CSMD1: variants seen among roughly 807,000 people sequenced by gnomAD.
CSMD1 encodes the protein CUB and sushi domain-containing protein 1.
In CSMD1, 213 loss-of-function variants were observed where a neutral mutation model predicts 417.5. That is an observed-to-expected ratio of 0.51 (90% CI 0.46 to 0.57). CSMD1 has a LOEUF of 0.57. Ranked by LOEUF, CSMD1 falls within the 20% of genes least tolerant of loss-of-function variation. The pLI is 0.00. For missense variants in CSMD1, 6,923 were observed against 4,529.7 expected (o/e 1.53, Z -15.17); for synonymous variants, 2,862 against 1,736.8 (o/e 1.65, Z -16.11).
intron 1 of CSMD1, among the ~76,000 whole-genome samples, chr8:4,672,057 T>G (rs1275545317): frequency 6.6e-6 from 1 of 152,144 alleles, no homozygotes; most frequent in Non-Finnish European, 1.5e-5. Flanking sequence ...CTGTACCTTT[T>G]GTTGAAAGAT....
At position 4,087,023 on chromosome 8, in the gene CSMD1, G is replaced by T. The variant is rs538190484; in HGVS notation, c.416-54924C>A. Among the ~76,000 whole-genome samples the T allele has an allele frequency of 2.6e-5, 4 of 152,316 alleles. No individual in the cohort carries two copies. In the South Asian group the frequency reaches 8.3e-4, roughly 32 times the overall value. On this transcript the variant is annotated intron_variant, in intron 3 of 69. Coordinates refer to ENST00000635120, the MANE Select transcript of CSMD1 (RefSeq NM_033225.6). ...TGGGGATAACGCTATGTACATCATG[G>T]AATTAAGTTCCTCCCCAGTGACTGC...
At chr8:4,259,534 AAT>A (rs1410943851) in intron 3 of CSMD1, among the ~76,000 whole-genome samples, 1 of 62,816 alleles carries the variant, frequency 1.6e-5, no homozygotes, top group Non-Finnish European at 4.4e-5. Context: ...GTTTTTAAAA[AAT>A]GTCTTTTTTT....
Position 4,820,316 on chromosome 8 carries a change from C to A in CSMD1, c.85+174016G>T, listed in dbSNP as rs1430178243. Among the ~76,000 whole-genome samples, 3 of 152,132 alleles carry A rather than the reference C, an allele frequency of 2.0e-5. No homozygotes were observed. The South Asian group carries it at 6.2e-4, about 32-fold the overall frequency. ...GGGCACAGTTAGTGCGCCATAGAAG[C>A]CTGAGTATTCAGAAGCATTATAAAA... On this transcript the variant is annotated intron_variant, in intron 1 of 69. Transcript: ENST00000635120.
chr8:4,636,790 C>G (rs1187966622), intron 2 of CSMD1, among the ~76,000 whole-genome samples: 1 of 152,110 alleles, frequency 6.6e-6, no homozygotes, highest in Non-Finnish European at 1.5e-5. Flanking sequence ...CTGTATTTTT[C>G]TTTTCTGGTA....
intron 3 of CSMD1, among the ~76,000 whole-genome samples, chr8:4,076,692 A>T (rs145964385): frequency 2.4e-4 from 37 of 152,300 alleles, no homozygotes; most frequent in African/African-American, 8.2e-4. Context: ...ACATTTAGCC[A>T]TATCTTGTCT....
chr8:4,954,678 A>T (rs968962779), intron 1 of CSMD1, among the ~76,000 whole-genome samples: 2 of 152,214 alleles, frequency 1.3e-5, no homozygotes, highest in Non-Finnish European at 2.9e-5. Flanking sequence ...CATGTGTGTG[A>T]ATGTTCCTTA....
At chr8:2,973,662 G>A (rs1331887673) in intron 56 of CSMD1, among the ~76,000 whole-genome samples, 1 of 130,106 alleles carries the variant, frequency 7.7e-6, no homozygotes, top group African/African-American at 3.0e-5. Context: ...AGGGAATGTG[G>A]GGAAAAAAAA....
At chr8:4,030,867 AT>A (rs1797307582) in intron 4 of CSMD1, among the ~76,000 whole-genome samples, 1 of 152,184 alleles carries the variant, frequency 6.6e-6, no homozygotes, top group South Asian at 2.1e-4. Context: ...ATTCCTCCAG[AT>A]ACCCCAAATC....
chr8:3,444,444 A>G (rs1455095932), intron 12 of CSMD1, among the ~76,000 whole-genome samples: 2 of 152,188 alleles, frequency 1.3e-5, no homozygotes, highest in Non-Finnish European at 2.9e-5. Context: ...CAAAACAATA[A>G]AAGAAATTAC....
At position 4,180,087 on chromosome 8, in the gene CSMD1, C is replaced by G. The variant is rs541936434; in HGVS notation, c.416-147988G>C. Reference sequence around the variant, plus strand: ...GCCATCCCATTACTGGGTATATACCCAAAGACTATAAATCATGCTGCTATG... The same window carrying G: ...GCCATCCCATTACTGGGTATATACCGAAAGACTATAAATCATGCTGCTATG... On this transcript the variant is annotated intron_variant, in intron 3 of 69. Transcript: ENST00000635120. 1.8e-3 allele frequency among the ~76,000 whole-genome samples: 276 copies of G among 152,160 alleles called. 1 individual carries two copies. Among genetic ancestry groups the G allele is most frequent in the African/African-American group, 6.5e-3 (268 of 41,502 alleles).
intron 10 of CSMD1, among the ~76,000 whole-genome samples, chr8:3,553,873 C>T (rs1799025238): frequency 6.6e-6 from 1 of 152,104 alleles, no homozygotes; most frequent in Non-Finnish European, 1.5e-5. Flanking sequence ...CAAACACGTA[C>T]ACATACATAT....
At chr8:4,009,402 A>T (rs1027098737) in intron 4 of CSMD1, among the ~76,000 whole-genome samples, 1 of 152,228 alleles carries the variant, frequency 6.6e-6, no homozygotes, top group African/African-American at 2.4e-5. Context: ...CATGTTTATC[A>T]TAAAGAAAAA....
intron 2 of CSMD1, among the ~76,000 whole-genome samples, chr8:4,444,525 C>A (rs955604196): frequency 6.6e-6 from 1 of 151,920 alleles, no homozygotes; most frequent in Non-Finnish European, 1.5e-5. Context: ...TTTTTAGCCA[C>A]GGAGAACAAT....
At chr8:3,386,814 G>A (rs966817069) in intron 18 of CSMD1, among the ~76,000 whole-genome samples, 1 of 152,204 alleles carries the variant, frequency 6.6e-6, no homozygotes, top group East Asian at 1.9e-4. Context: ...TTATATTCAT[G>A]GTCAAGGGCA....
intron 5 of CSMD1, among the ~76,000 whole-genome samples, chr8:3,937,369 C>T (rs2114244): frequency 0.36 from 55,247 of 151,860 alleles, 10,402 homozygotes; most frequent in African/African-American, 0.48. Flanking sequence ...AATCAACTGA[C>T]GTGGTAAACT....
intron 5 of CSMD1, among the ~76,000 whole-genome samples, chr8:3,969,094 T>C (rs926565285): frequency 6.6e-6 from 1 of 152,008 alleles, no homozygotes; most frequent in Non-Finnish European, 1.5e-5. Flanking sequence ...CTACTAAAAA[T>C]ACAAAAATTA....
At chr8:3,983,066 T>A (rs531485296) in intron 5 of CSMD1, among the ~76,000 whole-genome samples, 125 of 151,998 alleles carry the variant, frequency 8.2e-4, no homozygotes, top group African/African-American at 2.9e-3. Context: ...GGCTGACTCT[T>A]TTCCCCAGGA....
At chr8:4,621,553 T>C (rs1413492839) in intron 2 of CSMD1, among the ~76,000 whole-genome samples, 1 of 152,136 alleles carries the variant, frequency 6.6e-6, no homozygotes, top group Non-Finnish European at 1.5e-5. Context: ...CATTGAATTT[T>C]TTATTTAAGA....
intron 23 of CSMD1, among the ~76,000 whole-genome samples, chr8:3,316,219 C>T (rs17392307): frequency 2.6e-5 from 4 of 152,028 alleles, no homozygotes; most frequent in Non-Finnish European, 5.9e-5. Context: ...CAATTAGGTG[C>T]TAACTATATA....
Sources: allele counts gnomAD v4.1 joint callset (sites outside exome capture counted in the v4.1 genomes callset), GRCh38; gene constraint gnomAD v4.1.1; transcripts MANE v1.5; gene names NCBI Gene and HGNC (gene_info 2026-07-23, HGNC 2026-07-21).